The following USP34 variants were observed in gnomAD, a reference collection of about 807,000 sequenced individuals.
USP34 encodes the protein ubiquitin carboxyl-terminal hydrolase 34.
In USP34, 70 loss-of-function variants were observed where a neutral mutation model predicts 460.3. The observed-to-expected ratio is 0.15, with a 90% CI of 0.13 to 0.19. USP34 has a LOEUF of 0.19. Ranked by LOEUF, USP34 falls within the 10% of genes least tolerant of loss-of-function variation. USP34 has a pLI of 1.00. For missense variants in USP34, 3,985 were observed against 4,236.2 expected, an observed-to-expected ratio of 0.94 and a Z score of 1.65; for synonymous variants, 1,647 against 1,405.3, an observed-to-expected ratio of 1.17 and a Z score of -3.85.
intron 75 of USP34, among the ~76,000 whole-genome samples, chr2:61,202,317 A>C (rs1686999055): frequency 6.6e-6 from 1 of 152,208 alleles, no homozygotes; most frequent in Non-Finnish European, 1.5e-5. Context: ...TCTGGGTAGT[A>C]GTTCCGCAAG....
chr2:61,308,651 T>C (rs1266490317), intron 27 of USP34, among the ~76,000 whole-genome samples: 2 of 152,128 alleles, frequency 1.3e-5, no homozygotes, highest in East Asian at 3.9e-4. Flanking sequence ...AACATGTAAA[T>C]ACTGAAGCAC....
chr2:61,344,622 T>G (rs772633335), intron 15 of USP34, among the ~76,000 whole-genome samples: 15 of 152,222 alleles, frequency 9.9e-5, no homozygotes, highest in Non-Finnish European at 1.5e-4. Flanking sequence ...AATGAAAAAT[T>G]AAATCATTAG....
chr2:61,337,616 G>A (rs753162741), intron 18 of USP34, among the ~76,000 whole-genome samples: 1 of 151,922 alleles, frequency 6.6e-6, no homozygotes, highest in African/African-American at 2.4e-5. Context: ...CACCACATCT[G>A]GATACTTTTA....
chr2:61,316,061 T>C (rs893100291), intron 23 of USP34, among the ~76,000 whole-genome samples: 2 of 137,526 alleles, frequency 1.5e-5, no homozygotes, highest in Non-Finnish European at 3.2e-5. Context: ...AAAAAAAAAA[T>C]TAGCCAGGCA....
Position 61,420,311 on chromosome 2 carries a change from T to A in USP34, c.131+435A>T, listed in dbSNP as rs1042393842. Among the ~76,000 whole-genome samples, 6 of 152,332 alleles carry A rather than the reference T, an allele frequency of 3.9e-5. No homozygotes were observed. The South Asian group carries it at 1.2e-3, about 32-fold the overall frequency. On this transcript the variant is annotated intron_variant, in intron 2 of 79. Coordinates refer to ENST00000398571, the MANE Select transcript of USP34 (RefSeq NM_014709.4). ...CATGTTTTCCTAAAATTTTATTTCC[T>A]ATAGTCTCAATATATGTATTATTTA...
At chr2:61,327,529 T>C (rs890675517) in intron 20 of USP34, among the ~76,000 whole-genome samples, 4 of 152,252 alleles carry the variant, frequency 2.6e-5, no homozygotes, top group Admixed American at 2.0e-4. Context: ...TTTACGTTAC[T>C]GTATCCTCTT....
chr2:61,454,792 G>T lies in USP34; in HGVS notation c.43+15858C>A, dbSNP rs567914030. On this transcript the variant is annotated intron_variant, in intron 1 of 79. Coordinates refer to ENST00000398571, the MANE Select transcript of USP34 (RefSeq NM_014709.4). ...TCGAACTCCTGACCTCACGTGATCC[G>T]CCCGCCTAGGCCTCCCAAAGTGCTG... Among the ~76,000 whole-genome samples the T allele has an allele frequency of 7.6e-4, 110 of 145,656 alleles. No individual in the cohort carries two copies. The Middle Eastern group carries it at 0.016, about 21-fold the overall frequency.
intron 1 of USP34, among the ~76,000 whole-genome samples, chr2:61,428,587 C>T (rs1333314746): frequency 6.6e-6 from 1 of 152,116 alleles, no homozygotes; most frequent in Non-Finnish European, 1.5e-5. Context: ...TCTGATCAAG[C>T]CTCTAGATCT....
chr2:61,280,131 A>T, intron 39 of USP34, 113 bp downstream of exon 39: 3 of 560,220 alleles, frequency 5.4e-6, no homozygotes, highest in Non-Finnish European at 8.7e-6. Context: ...CACCACCACC[A>T]AGTTATAGAT....
intron 1 of USP34, among the ~76,000 whole-genome samples, chr2:61,423,171 T>A (rs919952412): frequency 1.1e-4 from 16 of 152,360 alleles, no homozygotes; most frequent in Admixed American, 9.8e-4. Context: ...TGGAGTGCAG[T>A]GGCACAATCT....
At chr2:61,333,257 T>C (rs1205640628) in intron 19 of USP34, among the ~76,000 whole-genome samples, 1 of 152,082 alleles carries the variant, frequency 6.6e-6, no homozygotes, top group East Asian at 1.9e-4. Flanking sequence ...GAGTAACTAG[T>C]TGAATATCCC....
rs368756962 is a variant in USP34, at chr2:61,383,243, G to T, written c.821+26C>A. ...TTTAAATATATTACACTGATAATCG[G>T]GGGTAAAGAAATTTTATAAACTTAC... On this transcript the variant is annotated intron_variant, in intron 6 of 79. Transcript: ENST00000398571. The T allele has an allele frequency of 3.5e-5, 54 of 1,523,296 alleles. No homozygotes were observed. The Middle Eastern group carries it at 1.6e-3, about 46-fold the overall frequency. 94.4% of individuals were successfully genotyped at this position (1,523,296 alleles called of 1,614,324 possible).
At position 61,395,174 on chromosome 2, in the gene USP34, A is replaced by G. The variant is rs960925628; in HGVS notation, c.603+9T>C. 1.3e-6 allele frequency: 2 copies of G among 1,495,662 alleles called. No homozygotes were observed. Among genetic ancestry groups the G allele is most frequent in the African/African-American group, 2.8e-5 (2 of 70,722 alleles). The allele number at this position is 1,495,662 out of a possible 1,614,324, so 92.6% of individuals were successfully genotyped here. On this transcript the variant is annotated intron_variant, in intron 4 of 79. Transcript: ENST00000398571. ...TTTCCATAAAAGAATAAAAAAGGTA[A>G]ACACTTACATTCATATCACAGAATG... is the stretch of plus-strand genomic sequence containing the variant.
At chr2:61,284,791 A>C in intron 35 of USP34, 84 bp downstream of exon 35, 1 of 1,117,438 alleles carries the variant, frequency 8.9e-7, no homozygotes. Context: ...TTTTCTATTA[A>C]GTTTAGAATT....
chr2:61,322,709 G>GA lies in USP34; in HGVS notation c.3013+2665dup, dbSNP rs373006945. 5.1e-3 allele frequency among the ~76,000 whole-genome samples: 774 copies of GA among 152,218 alleles called. 4 individuals carry two copies. The highest frequency in any genetic ancestry group is 0.018 in the African/African-American group (732 of 41,552). On this transcript the variant is annotated intron_variant, in intron 21 of 79. Coordinates refer to ENST00000398571, the MANE Select transcript of USP34 (RefSeq NM_014709.4). ...AGTATCAGTCTAAAGAGTTTTATCAGAAAAAAGTTATCCTATCAGTTTCTC... is the reference window on the plus strand; with the variant it reads ...AGTATCAGTCTAAAGAGTTTTATCAGAAAAAAAGTTATCCTATCAGTTTCTC...
intron 2 of USP34, among the ~76,000 whole-genome samples, chr2:61,414,648 A>C (rs1694142941): frequency 6.6e-6 from 1 of 152,250 alleles, no homozygotes; most frequent in Non-Finnish European, 1.5e-5. Flanking sequence ...GCACAAACAA[A>C]GCGAGGAAAG....
rs771300525 is a variant in USP34, at chr2:61,412,710, G to A, written c.132-6582C>T. Among the ~76,000 whole-genome samples, 7 of 151,672 alleles carry A rather than the reference G, an allele frequency of 4.6e-5. No individual in the cohort carries two copies. The East Asian group carries it at 1.2e-3, about 25-fold the overall frequency. On this transcript the variant is annotated intron_variant, in intron 2 of 79. Transcript: ENST00000398571. ...TCAAGACCAACCTGGGCAACATCGC[G>A]AGACCTCCTTTCTACAATAAAAAAA...
chr2:61,333,707 G>C (rs1009426600), intron 19 of USP34, among the ~76,000 whole-genome samples, 175 bp downstream of exon 19: 5 of 152,018 alleles, frequency 3.3e-5, no homozygotes, highest in Non-Finnish European at 7.4e-5. Flanking sequence ...TTTTCCTACT[G>C]ATCAGGATAT....
At chr2:61,309,897 T>A (rs1334644465) in intron 27 of USP34, among the ~76,000 whole-genome samples, 1 of 152,090 alleles carries the variant, frequency 6.6e-6, no homozygotes, top group Non-Finnish European at 1.5e-5. Flanking sequence ...GTAGGGAAGG[T>A]TTATAACTTG....
Sources: allele counts gnomAD v4.1 joint callset (sites outside exome capture counted in the v4.1 genomes callset), GRCh38; gene constraint gnomAD v4.1.1; transcripts MANE v1.5; gene names NCBI Gene and HGNC (gene_info 2026-07-23, HGNC 2026-07-21).